THSD7B: variants seen among roughly 807,000 people sequenced by gnomAD.
THSD7B encodes thrombospondin type-1 domain-containing protein 7B.
A neutral mutation model predicts 213.6 loss-of-function variants in THSD7B; 138 were observed. The observed-to-expected ratio is 0.65, with a 90% confidence interval of 0.56 to 0.74. The LOEUF (loss-of-function observed/expected upper bound fraction) is 0.74. Among genes scored for constraint, THSD7B ranks in the 30% least tolerant of loss-of-function variants. THSD7B has a pLI of 0.00. For missense variants in THSD7B, 1,931 were observed against 1,991.5 expected, an observed-to-expected ratio of 0.97 and a Z score of 0.58; for synonymous variants, 742 against 687.0, an observed-to-expected ratio of 1.08 and a Z score of -1.25.
chr2:137,049,735 C>T (rs1361770775), intron 2 of THSD7B, among the ~76,000 whole-genome samples: 1 of 152,152 alleles, frequency 6.6e-6, no homozygotes, highest in Non-Finnish European at 1.5e-5. Flanking sequence ...TGAAGGGACC[C>T]TGGGAGCAGC....
At chr2:137,452,312 A>C (rs573623442) in intron 15 of THSD7B, among the ~76,000 whole-genome samples, 10 of 152,196 alleles carry the variant, frequency 6.6e-5, no homozygotes, top group African/African-American at 1.7e-4. Context: ...TGGAAAAAAA[A>C]CCTCAAGATT....
At chr2:137,169,304 A>G (rs369964955) in intron 6 of THSD7B, among the ~76,000 whole-genome samples, 1 of 142,664 alleles carries the variant, frequency 7.0e-6, no homozygotes, top group Non-Finnish European at 1.5e-5. Flanking sequence ...TTTTTTTTTA[A>G]TCTAAGTTAA....
At chr2:137,560,457 C>T (rs1681086820) in intron 15 of THSD7B, among the ~76,000 whole-genome samples, 2 of 152,166 alleles carry the variant, frequency 1.3e-5, no homozygotes, top group East Asian at 1.9e-4. Context: ...CAAACTATCT[C>T]AAGGAGAAAA....
At chr2:137,622,578 C>T (rs1193206451) in intron 20 of THSD7B, among the ~76,000 whole-genome samples, 1 of 151,988 alleles carries the variant, frequency 6.6e-6, no homozygotes, top group African/African-American at 2.4e-5. Flanking sequence ...TGATAGACAG[C>T]TGGCAAGACT....
rs77008175 is a variant in THSD7B at position 137,183,464 on chromosome 2, T to G, written c.1723+12526T>G. On this transcript the variant is annotated intron_variant, in intron 7 of 27. Coordinates refer to ENST00000409968, the MANE Select transcript of THSD7B (RefSeq NM_001316349.2). ...TGGTAATCTTCAGTCAATCCAGATG[T>G]TTGAAAGCATTATTTACAAATCATG... Among the ~76,000 whole-genome samples, 608 of 152,260 alleles carry G rather than the reference T, an allele frequency of 4.0e-3. 7 individuals are homozygous for G. Among genetic ancestry groups the G allele is most frequent in the African/African-American group, 0.014 (567 of 41,542 alleles).
At position 137,383,931 on chromosome 2, in the gene THSD7B, A is replaced by G. The variant is rs80022239; in HGVS notation, c.2501-21682A>G. Among the ~76,000 whole-genome samples, 135 of 152,136 alleles carry G rather than the reference A, an allele frequency of 8.9e-4. 2 individuals carry two copies. In the East Asian group the frequency reaches 0.021, roughly 24 times the overall value. ...AAATACATTTATGTTCTTTTAAACC[A>G]CTCAATTTGCGGATTGTTACAGCAG... is the stretch of plus-strand genomic sequence containing the variant. On this transcript the variant is annotated intron_variant, in intron 12 of 27. Transcript: ENST00000409968.
chr2:137,675,255 G>GTGA (rs1053107846), intron 27 of THSD7B, among the ~76,000 whole-genome samples: 2 of 151,948 alleles, frequency 1.3e-5, no homozygotes, highest in African/African-American at 4.8e-5. Flanking sequence ...CTAGATAATG[G>GTGA]TGATGGTACA....
chr2:137,171,429 A>G (rs1680249359), intron 7 of THSD7B, among the ~76,000 whole-genome samples: 1 of 152,214 alleles, frequency 6.6e-6, no homozygotes, highest in Admixed American at 6.5e-5. Context: ...CAATACTAAC[A>G]TTTCCAAAGA....
Position 136,851,809 on chromosome 2 carries a change from A to T in THSD7B, c.-35-30335A>T, listed in dbSNP as rs183011497. Among the ~76,000 whole-genome samples the T allele has an allele frequency of 1.6e-3, 244 of 152,236 alleles. 1 individual carries two copies. Among genetic ancestry groups the T allele is most frequent in the Non-Finnish European group, 3.1e-3 (211 of 68,004 alleles). On this transcript the variant is annotated intron_variant, in intron 1 of 27. Transcript: ENST00000409968. The stretch of plus-strand genomic sequence containing the variant: ...TATTGGCTAAGCTCCAAATCAAGGG[A>T]TGTGGAAATATCCTCAAAGGATGTG...
chr2:136,814,356 A>C (rs1682436155), intron 1 of THSD7B, among the ~76,000 whole-genome samples: 1 of 152,038 alleles, frequency 6.6e-6, no homozygotes, highest in Non-Finnish European at 1.5e-5. Context: ...CTCTTTAAAA[A>C]CATTGTTTTG....
At chr2:136,989,445 C>T (rs1297108185) in intron 2 of THSD7B, among the ~76,000 whole-genome samples, 1 of 151,902 alleles carries the variant, frequency 6.6e-6, no homozygotes, top group Non-Finnish European at 1.5e-5. Context: ...TTCTCTCTCT[C>T]TTCCTATGTG....
chr2:137,367,239 C>T (rs934257048), intron 12 of THSD7B, among the ~76,000 whole-genome samples: 1 of 152,102 alleles, frequency 6.6e-6, no homozygotes, highest in Admixed American at 6.6e-5. Flanking sequence ...GATCTGGATT[C>T]CAGACACATT....
intron 27 of THSD7B, among the ~76,000 whole-genome samples, chr2:137,676,030 G>A (rs573711412): frequency 6.6e-6 from 1 of 152,332 alleles, no homozygotes; most frequent in East Asian, 1.9e-4. Context: ...GAGACCAGGT[G>A]AGAATGGCTT....
chr2:137,546,603 G>GT (rs540628672), intron 15 of THSD7B, among the ~76,000 whole-genome samples: 14 of 138,458 alleles, frequency 1.0e-4, no homozygotes, highest in Admixed American at 4.6e-4. Flanking sequence ...GGATACTGGG[G>GT]TTTTTTTTGT....
At chr2:137,503,402 C>A (rs1236020849) in intron 15 of THSD7B, among the ~76,000 whole-genome samples, 1 of 152,108 alleles carries the variant, frequency 6.6e-6, no homozygotes, top group Non-Finnish European at 1.5e-5. Context: ...ACAGCTATTC[C>A]CCATTTTAAG....
At chr2:137,429,023 G>A (rs536050983) in intron 14 of THSD7B, among the ~76,000 whole-genome samples, 1 of 152,236 alleles carries the variant, frequency 6.6e-6, no homozygotes, top group Admixed American at 6.5e-5. Context: ...CATTGATCTT[G>A]GATTTCCCAG....
intron 1 of THSD7B, among the ~76,000 whole-genome samples, chr2:136,859,579 G>A (rs949994434): frequency 6.6e-6 from 1 of 152,128 alleles, no homozygotes; most frequent in Non-Finnish European, 1.5e-5. Context: ...AGAGCGAGTG[G>A]CAGTGATCAA....
At chr2:137,327,012 C>A (rs142650348) in intron 12 of THSD7B, among the ~76,000 whole-genome samples, 112 of 152,296 alleles carry the variant, frequency 7.4e-4, no homozygotes, top group African/African-American at 2.6e-3. Context: ...TTCTTTCCTG[C>A]AAAACACATT....
chr2:137,658,809 C>A (rs916716290), intron 24 of THSD7B, among the ~76,000 whole-genome samples: 1 of 152,168 alleles, frequency 6.6e-6, no homozygotes, highest in Non-Finnish European at 1.5e-5. Context: ...CTGCCTTAGG[C>A]CCAGAGCTTT....
Sources: gnomAD v4.1 joint callset for allele counts (sites outside exome capture counted in the v4.1 genomes callset) on GRCh38, gnomAD v4.1.1 for gene constraint, MANE v1.5 for transcripts, NCBI Gene and HGNC (gene_info 2026-07-23, HGNC 2026-07-21) for gene names.